AOPEP: variants seen among roughly 807,000 people sequenced by gnomAD.
The protein encoded by AOPEP is aminopeptidase O.
AOPEP carries 77 observed loss-of-function variants against 98.1 expected under a neutral mutation model. That is an observed-to-expected ratio of 0.78 (90% CI 0.65 to 0.95). AOPEP has a LOEUF of 0.95. Ranked by LOEUF, AOPEP falls within the 40% of genes least tolerant of loss-of-function variation. AOPEP has a pLI of 0.00. For missense variants in AOPEP, 1,024 were observed against 1,024.7 expected (o/e 1.00, Z 0.01); for synonymous variants, 346 against 365.3 (o/e 0.95, Z 0.60).
At chr9:95,020,040 TG>T (rs2063326005) in intron 13 of AOPEP, 1 of 152,206 alleles carries the variant, frequency 6.6e-6, no homozygotes, top group Non-Finnish European at 1.5e-5. Context: ...TTGTGAGAGC[TG>T]GGAAAGACCT....
chr9:95,111,035 A>T, the AOPEP span: 4 of 1,454,192 alleles, frequency 2.8e-6, no homozygotes, highest in Non-Finnish European at 3.6e-6. Context: ...GGAGACAGTC[A>T]AGATGGAAGC....
intron 8 of AOPEP, 32 bp downstream of exon 8, chr9:94,955,311 T>C (rs369755073): frequency 8.4e-6 from 12 of 1,422,254 alleles, no homozygotes; most frequent in Non-Finnish European, 1.2e-5. Context: ...AAGCCAGTGA[T>C]TGTGGTGCAG....
At chr9:94,914,834 C>T (rs2052579574) in intron 5 of AOPEP, among the ~76,000 whole-genome samples, 1 of 152,206 alleles carries the variant, frequency 6.6e-6, no homozygotes, top group Admixed American at 6.5e-5. Flanking sequence ...CCCAGGCCTA[C>T]TGAAACAAAC....
At chr9:94,813,833 G>T (rs905929763) in intron 5 of AOPEP, among the ~76,000 whole-genome samples, 1 of 152,206 alleles carries the variant, frequency 6.6e-6, no homozygotes, top group Non-Finnish European at 1.5e-5. Flanking sequence ...TTCATATTCT[G>T]CTCCCCATAG....
intron 13 of AOPEP, among the ~76,000 whole-genome samples, chr9:95,025,374 A>G (rs768781854): frequency 7.9e-5 from 12 of 152,200 alleles, no homozygotes; most frequent in Non-Finnish European, 1.3e-4. Flanking sequence ...GACGTGGCCC[A>G]TTGCTACTTC....
At chr9:94,823,388 A>G (rs997336534) in intron 5 of AOPEP, among the ~76,000 whole-genome samples, 4 of 152,160 alleles carry the variant, frequency 2.6e-5, no homozygotes, top group African/African-American at 9.7e-5. Context: ...TTATTAACAC[A>G]TGGTTAGTCA....
At chr9:94,797,425 G>A (rs1187501620) in intron 4 of AOPEP, among the ~76,000 whole-genome samples, 1 of 139,862 alleles carries the variant, frequency 7.1e-6, no homozygotes, top group Admixed American at 7.5e-5. Flanking sequence ...GCAAGACTCC[G>A]TCTCAAAAAA....
chr9:94,988,763 G>C lies in AOPEP; in HGVS notation c.1977+9336G>C, dbSNP rs530571317. On this transcript the variant is annotated intron_variant, in intron 11 of 16. Coordinates refer to ENST00000375315, the MANE Select transcript of AOPEP (RefSeq NM_001193329.3). ...GAGACCTGGTCATCAGAATCATGTA[G>C]GAGGCGGATTAAAACTGCAGATCCC... 2.6e-5 allele frequency among the ~76,000 whole-genome samples: 4 copies of C among 152,282 alleles called. No individual in the cohort carries two copies. In the South Asian group the frequency reaches 8.3e-4, roughly 32 times the overall value.
intron 7 of AOPEP, among the ~76,000 whole-genome samples, chr9:94,929,476 G>A (rs2054936606): frequency 6.6e-6 from 1 of 152,262 alleles, no homozygotes; most frequent in South Asian, 2.1e-4. Context: ...AGAATGTTGG[G>A]GTATGGCAAG....
intron 4 of AOPEP, 40 bp from the exon 5 acceptor site, chr9:94,800,717 T>A: frequency 6.2e-7 from 1 of 1,608,150 alleles, no homozygotes; most frequent in African/African-American, 1.3e-5. Flanking sequence ...ACAGCAAGAA[T>A]AATAAACATG....
the AOPEP span, among the ~76,000 whole-genome samples, chr9:95,115,471 C>T: frequency 6.6e-6 from 1 of 152,116 alleles, no homozygotes; most frequent in Non-Finnish European, 1.5e-5. Flanking sequence ...GTGATGAATT[C>T]ACAATATGAT....
chr9:95,015,984 G>A (rs191969894), intron 13 of AOPEP, among the ~76,000 whole-genome samples: 62 of 152,226 alleles, frequency 4.1e-4, no homozygotes, highest in African/African-American at 1.4e-3. Context: ...TTACAGGTAT[G>A]AACCACTTTG....
chr9:95,111,741 T>G, the AOPEP span: 1 of 1,378,106 alleles, frequency 7.3e-7, no homozygotes, highest in Admixed American at 1.8e-5. Flanking sequence ...TAAATTGTAC[T>G]TATCCACTGA....
chr9:95,020,746 C>T lies in AOPEP; in HGVS notation c.2115+15130C>T, dbSNP rs534425677. Among the ~76,000 whole-genome samples the T allele has an allele frequency of 8.6e-5, 13 of 151,726 alleles. No homozygotes were observed. The South Asian group carries it at 2.7e-3, about 32-fold the overall frequency. On this transcript the variant is annotated intron_variant, in intron 13 of 16. Transcript: ENST00000375315. ...CAACCTCGGCAACATGGTGAAACCCCGTCTCTACTAAAAATGCAAAAATTA... is the reference window on the plus strand; with the variant it reads ...CAACCTCGGCAACATGGTGAAACCCTGTCTCTACTAAAAATGCAAAAATTA...
chr9:95,004,759 G>C (rs2061817420), intron 11 of AOPEP, among the ~76,000 whole-genome samples: 1 of 147,558 alleles, frequency 6.8e-6, no homozygotes, highest in Admixed American at 6.7e-5. Flanking sequence ...GCCGGAGCCC[G>C]GGGAGGGGTG....
chr9:94,980,697 T>C lies in AOPEP; in HGVS notation c.1977+1270T>C, dbSNP rs1430088170. Among the ~76,000 whole-genome samples the C allele has an allele frequency of 6.6e-6, 1 of 152,138 alleles. No individual in the cohort carries two copies. The highest frequency in any genetic ancestry group is 1.5e-5 in the Non-Finnish European group (1 of 68,018). On this transcript the variant is annotated intron_variant, in intron 11 of 16. Transcript: ENST00000375315. The surrounding 1 kb of genome is among the most constrained non-coding windows in gnomAD (Gnocchi z 4.3). ...AAAAAAGAAAAAACATCCCGAGTTT[T>C]ACAAATAAAACAGACCAGGGGTAGG... is the stretch of plus-strand genomic sequence containing the variant.
At chr9:95,078,684 G>T (rs2069361833) in intron 14 of AOPEP, among the ~76,000 whole-genome samples, 1 of 152,254 alleles carries the variant, frequency 6.6e-6, no homozygotes, top group Admixed American at 6.5e-5. Flanking sequence ...TGCCTGCAAG[G>T]CCCTTCAGCC....
At chr9:95,037,346 A>G (rs1427063527) in intron 13 of AOPEP, among the ~76,000 whole-genome samples, 1 of 152,194 alleles carries the variant, frequency 6.6e-6, no homozygotes, top group Non-Finnish European at 1.5e-5. Flanking sequence ...TTGATAGAAG[A>G]TGATAGGCTG....
At chr9:94,897,041 T>C (rs1340731252) in intron 5 of AOPEP, among the ~76,000 whole-genome samples, 1 of 151,908 alleles carries the variant, frequency 6.6e-6, no homozygotes, top group Non-Finnish European at 1.5e-5. Flanking sequence ...CCTCAGTAAA[T>C]TTCCCTGGTC....
Sources: allele counts gnomAD v4.1 joint callset (sites outside exome capture counted in the v4.1 genomes callset), GRCh38; gene constraint gnomAD v4.1.1; non-coding constraint Gnocchi (gnomAD v3.1); transcripts MANE v1.5; gene names NCBI Gene and HGNC (gene_info 2026-07-23, HGNC 2026-07-21).